Variants in DPH6 observed in about 807,000 individuals in gnomAD.
DPH6 encodes the protein diphthine--ammonia ligase.
A neutral mutation model predicts 38.2 loss-of-function variants in DPH6; 33 were observed. The observed-to-expected ratio is 0.86, with a 90% CI of 0.65 to 1.15. The LOEUF is 1.15. Among genes scored for constraint, DPH6 ranks in the 50% most tolerant of loss-of-function variants. The pLI is 0.00. For missense variants in DPH6, 325 were observed against 320.0 expected (o/e 1.02, Z -0.12); for synonymous variants, 108 against 103.0 (o/e 1.05, Z -0.30).
intron 3 of DPH6, among the ~76,000 whole-genome samples, chr15:35,513,999 A>G (rs538947413): frequency 6.6e-6 from 1 of 152,166 alleles, no homozygotes; most frequent in South Asian, 2.1e-4. Flanking sequence ...AATTGATTCT[A>G]AGTCAATAAC....
At chr15:35,544,831 T>G (rs1435628430) in intron 1 of DPH6, among the ~76,000 whole-genome samples, 2 of 152,248 alleles carry the variant, frequency 1.3e-5, no homozygotes, top group Non-Finnish European at 2.9e-5. Flanking sequence ...AAGTCTTTGT[T>G]TGTTGTGCTT....
intron 3 of DPH6, among the ~76,000 whole-genome samples, chr15:35,362,961 CTTTT>C (rs1298085704): frequency 6.6e-6 from 1 of 152,162 alleles, no homozygotes; most frequent in African/African-American, 2.4e-5. Flanking sequence ...TTCTAGCCAT[CTTTT>C]TTATTACTGA....
chr15:35,409,906 A>G (rs187309886), intron 6 of DPH6, among the ~76,000 whole-genome samples: 77 of 152,026 alleles, frequency 5.1e-4, no homozygotes, highest in Non-Finnish European at 7.5e-4. Flanking sequence ...GCTTAATAAT[A>G]ATTATTAAGG....
chr15:35,387,544 A>T (rs2052984857), intron 6 of DPH6, among the ~76,000 whole-genome samples: 1 of 152,114 alleles, frequency 6.6e-6, no homozygotes, highest in Admixed American at 6.5e-5. Flanking sequence ...GTTCTCCTTG[A>T]AGAGGTCCTT....
the DPH6 span, among the ~76,000 whole-genome samples, chr15:35,187,767 A>C: frequency 5.5e-4 from 83 of 152,076 alleles, no homozygotes; most frequent in Non-Finnish European, 7.2e-4. Context: ...GGGAGGATTG[A>C]TTGAGCCCAG....
intron 3 of DPH6, among the ~76,000 whole-genome samples, chr15:35,501,044 A>G (rs569547117): frequency 3.3e-4 from 50 of 152,206 alleles, no homozygotes; most frequent in Non-Finnish European, 6.0e-4. Context: ...CCCGGCCAAT[A>G]ATTAATTTTT....
intron 3 of DPH6, among the ~76,000 whole-genome samples, chr15:35,486,167 T>C (rs2054395140): frequency 6.6e-6 from 1 of 151,156 alleles, no homozygotes; most frequent in Non-Finnish European, 1.5e-5. Flanking sequence ...ATGGAATGAG[T>C]GCAAGCAGGG....
intron 3 of DPH6, among the ~76,000 whole-genome samples, chr15:35,473,890 G>A (rs1054899830): frequency 6.6e-6 from 1 of 150,740 alleles, no homozygotes; most frequent in Admixed American, 6.6e-5. Context: ...TACAAAAAAG[G>A]CAAGCGATAG....
chr15:35,416,874 G>A (rs2053442900), intron 5 of DPH6, among the ~76,000 whole-genome samples: 1 of 152,002 alleles, frequency 6.6e-6, no homozygotes, highest in Admixed American at 6.6e-5. Context: ...AAAAGCAACG[G>A]CCTGAAGCCA....
At chr15:35,424,686 T>C (rs952765390) in intron 5 of DPH6, among the ~76,000 whole-genome samples, 8 of 151,744 alleles carry the variant, frequency 5.3e-5, no homozygotes, top group East Asian at 3.9e-4. Context: ...CTGGGCAAGA[T>C]GGTTATATAA....
chr15:35,481,367 G>A (rs2054324569), intron 3 of DPH6, among the ~76,000 whole-genome samples: 1 of 151,718 alleles, frequency 6.6e-6, no homozygotes, highest in African/African-American at 2.4e-5. Context: ...TTTAGAAGAA[G>A]GAAAGAGGAA....
the DPH6 span, among the ~76,000 whole-genome samples, chr15:35,203,646 C>T: frequency 6.6e-6 from 1 of 151,602 alleles, no homozygotes; most frequent in African/African-American, 2.4e-5. Flanking sequence ...TAAATAGCAA[C>T]CTGTGTATTT....
intron 3 of DPH6, among the ~76,000 whole-genome samples, chr15:35,474,831 C>T (rs2054245036): frequency 1.3e-5 from 2 of 151,742 alleles, no homozygotes; most frequent in South Asian, 4.2e-4. Flanking sequence ...AAAGCCAGTC[C>T]TAGGAAGGAA....
intron 7 of DPH6, among the ~76,000 whole-genome samples, chr15:35,377,994 C>T (rs1490130539): frequency 6.6e-6 from 1 of 151,920 alleles, no homozygotes; most frequent in Non-Finnish European, 1.5e-5. Flanking sequence ...CCTGCCCTCC[C>T]AAAGTGTTGT....
the DPH6 span, among the ~76,000 whole-genome samples, chr15:35,167,478 G>T: frequency 1.2e-4 from 18 of 150,922 alleles, no homozygotes; most frequent in Non-Finnish European, 4.4e-5. Context: ...CGCATTCATA[G>T]AGCTAGAAAA....
intron 3 of DPH6, among the ~76,000 whole-genome samples, chr15:35,356,135 A>G (rs1385974088): frequency 6.6e-6 from 1 of 152,200 alleles, no homozygotes; most frequent in Non-Finnish European, 1.5e-5. Flanking sequence ...CAGCTCCATC[A>G]GGTCATTTAA....
At chr15:35,366,844 AT>A (rs1465559522), downstream of DPH6, among the ~76,000 whole-genome samples, 1 of 151,974 alleles carries the variant, frequency 6.6e-6, no homozygotes, top group Non-Finnish European at 1.5e-5. Flanking sequence ...TGGTACCTTC[AT>A]TTTAGCATTA....
intron 3 of DPH6, among the ~76,000 whole-genome samples, chr15:35,488,771 G>C (rs1294962679): frequency 6.6e-6 from 1 of 152,160 alleles, no homozygotes; most frequent in African/African-American, 2.4e-5. Flanking sequence ...AGACGAAAAT[G>C]ATGAGGAAAG....
chr15:35,344,437 T>C (rs1025937927), intron 3 of DPH6, among the ~76,000 whole-genome samples: 5 of 151,934 alleles, frequency 3.3e-5, no homozygotes, highest in Non-Finnish European at 5.9e-5. Context: ...AAGTGCAAGC[T>C]GTGTTTAAAA....
Sources: gnomAD v4.1 joint callset for allele counts (sites outside exome capture counted in the v4.1 genomes callset) on GRCh38, gnomAD v4.1.1 for gene constraint, MANE v1.5 for transcripts, NCBI Gene and HGNC (gene_info 2026-07-23, HGNC 2026-07-21) for gene names.